GNAS: variants seen among roughly 807,000 people sequenced by gnomAD.
GNAS encodes the protein GNAS complex locus, also known as protein ALEX.
In GNAS, 8 loss-of-function variants were observed where a neutral mutation model predicts 54.5. That is an observed-to-expected ratio of 0.15 (90% CI 0.09 to 0.26). The LOEUF (loss-of-function observed/expected upper bound fraction) is 0.26. GNAS is among the 10% of genes least tolerant of loss of function. The pLI is 1.00. For missense variants in GNAS, 170 were observed against 529.8 expected (o/e 0.32, Z 6.67); for synonymous variants, 204 against 191.4 (o/e 1.07, Z -0.54).
At chr20:58,904,549 G>A (rs982373178) in intron 5 of GNAS, among the ~76,000 whole-genome samples, 4 of 152,192 alleles carry the variant, frequency 2.6e-5, no homozygotes, top group South Asian at 4.1e-4. Context: ...CGGGGAACGG[G>A]AAACGAGATG....
At chr20:58,884,069 G>A (rs925052554) in intron 1 of GNAS, among the ~76,000 whole-genome samples, 2 of 152,166 alleles carry the variant, frequency 1.3e-5, no homozygotes, top group Non-Finnish European at 2.9e-5. Context: ...GACTGGAGAG[G>A]GGGTTTTAGC....
intron 1 of GNAS, among the ~76,000 whole-genome samples, chr20:58,885,753 A>G (rs2088549644): frequency 6.6e-6 from 1 of 152,250 alleles, no homozygotes; most frequent in South Asian, 2.1e-4. Flanking sequence ...CATCATCTGC[A>G]TGACATAGGC....
intron 2 of GNAS, chr20:58,897,422 A>G (rs2090167156): frequency 6.6e-6 from 1 of 152,224 alleles, no homozygotes; most frequent in Non-Finnish European, 1.5e-5. Context: ...TTGACCATGT[A>G]TCCTCTAGAT....
intron 1 of GNAS, among the ~76,000 whole-genome samples, chr20:58,876,221 A>G (rs559265958): frequency 1.6e-4 from 24 of 152,312 alleles, no homozygotes; most frequent in African/African-American, 5.8e-4. Context: ...GAGATGCGTG[A>G]TCTTTAGGAA....
intron 1 of GNAS, among the ~76,000 whole-genome samples, chr20:58,848,393 C>G (rs954604570): frequency 3.9e-5 from 6 of 152,354 alleles, no homozygotes; most frequent in African/African-American, 1.4e-4. Context: ...CCAGCCTCTC[C>G]TGACTTCCTC....
At chr20:58,887,308 T>C (rs2088657325), upstream of GNAS, among the ~76,000 whole-genome samples, 1 of 152,254 alleles carries the variant, frequency 6.6e-6, no homozygotes, top group Non-Finnish European at 1.5e-5. Flanking sequence ...AACAAAAATG[T>C]CTGGCCTATT....
In GNAS at chr20:58,902,725, C is replaced by CTTTTTTTTTTTTT. The variant is rs60022134; in HGVS notation, c.258-790_258-778dup. On this transcript the variant is annotated intron_variant, in intron 3 of 12. Coordinates refer to ENST00000371085, the MANE Select transcript of GNAS (RefSeq NM_000516.7). ...AGTGCCTGGAGCATCGCACATACGACTTTTTTTTTTTTTTTTTTTTTTTTT... is the reference window on the plus strand; with the variant it reads ...AGTGCCTGGAGCATCGCACATACGACTTTTTTTTTTTTTTTTTTTTTTTTTTTTTTTTTTTTTT... Among the ~76,000 whole-genome samples the CTTTTTTTTTTTTT allele has an allele frequency of 2.6e-3, 181 of 69,508 alleles. 36 individuals are homozygous for CTTTTTTTTTTTTT. Among genetic ancestry groups the CTTTTTTTTTTTTT allele is most frequent in the African/African-American group, 0.011 (158 of 15,014 alleles). 45.6% of individuals were successfully genotyped at this position (69,508 alleles called of 152,430 possible).
At chr20:58,884,908 T>C (rs558578928) in intron 1 of GNAS, 1 of 152,246 alleles carries the variant, frequency 6.6e-6, no homozygotes, top group Non-Finnish European at 1.5e-5. Flanking sequence ...TTGGAGTTAC[T>C]TGTGGAAGCT....
intron 1 of GNAS, chr20:58,855,126 G>A (rs773195446): frequency 6.2e-7 from 1 of 1,613,646 alleles, no homozygotes; most frequent in Non-Finnish European, 8.5e-7. Flanking sequence ...GGGCTGCTTC[G>A]GTCGATCTGA....
At chr20:58,891,980 C>T (rs993976889) in intron 1 of GNAS, 115 bp downstream of exon 1, 1 of 766,582 alleles carries the variant, frequency 1.3e-6, no homozygotes, top group Non-Finnish European at 1.6e-6. Context: ...AGCCCCCCGC[C>T]CGTTCGCGGG....
intron 1 of GNAS, chr20:58,892,218 TGGGGAG>T (rs534284475): frequency 1.2e-4 from 114 of 966,670 alleles, no homozygotes; most frequent in Admixed American, 5.7e-4. Context: ...GGGTGCGTGT[TGGGGAG>T]GGGGAGGGGG....
At chr20:58,874,115 C>T (rs952028098) in intron 1 of GNAS, among the ~76,000 whole-genome samples, 1 of 152,240 alleles carries the variant, frequency 6.6e-6, no homozygotes, top group South Asian at 2.1e-4. Context: ...TGAACCTTTG[C>T]TAGTCACAGG....
intron 6 of GNAS, among the ~76,000 whole-genome samples, chr20:58,906,776 T>C (rs887611738): frequency 6.6e-6 from 1 of 152,118 alleles, no homozygotes; most frequent in Non-Finnish European, 1.5e-5. Flanking sequence ...GTGATCCACC[T>C]GCCTCGGCCT....
Position 58,911,096 on chromosome 20 carries a change from C to A in GNAS, c.*267C>A. 1 of 608,974 alleles carries A rather than the reference C, an allele frequency of 1.6e-6. No homozygotes were observed. 37.7% of individuals were successfully genotyped at this position (608,974 alleles called of 1,614,324 possible). A position where few individuals can be genotyped will look rare whatever the true frequency, so the allele number is the denominator to read the frequency against. Reference sequence around the variant, plus strand: ...GTAAAAATAAATAAAACAGCAGCAGCAAACAAATAAAATGAAATAAAAGAA... The same window carrying A: ...GTAAAAATAAATAAAACAGCAGCAGAAAACAAATAAAATGAAATAAAAGAA... On this transcript the variant is annotated 3_prime_UTR_variant, in exon 13 of 13. Transcript: ENST00000371085.
chr20:58,900,944 T>C (rs1437479618), intron 3 of GNAS, among the ~76,000 whole-genome samples: 2 of 152,216 alleles, frequency 1.3e-5, no homozygotes, highest in Admixed American at 1.3e-4. Flanking sequence ...CTGAACACGT[T>C]CTCAAAATAT....
rs2146182387 is a variant in GNAS, at chr20:58,903,682, C to T, written c.323C>T (p.Ala108Val). ...CTAAATCATTTTCAGACCATTGTGG[C>T]CGCCATGAGCAACCTGGTGCCCCCC... The part of the protein sequence containing the change: ...NLKEAIETIV[A>V]AMSNLVPPVE... Residue 108 changes from alanine (A) to valine (V), a missense_variant, in exon 5 of 13, where the codon GCC (alanine) becomes GTC (valine). Physicochemically the swap from Ala to Val is moderately conservative, Grantham distance 64. Around this residue, in one of 3 missense-constraint regions of GNAS, gnomAD observed 78 missense variants for 251.1 expected, o/e 0.31. Coordinates refer to ENST00000371085, the MANE Select transcript of GNAS (RefSeq NM_000516.7). 1.2e-6 allele frequency: 2 copies of T among 1,614,074 alleles called. No homozygotes were observed. Among genetic ancestry groups the T allele is most frequent in the South Asian group, 1.1e-5 (1 of 91,082 alleles).
upstream of GNAS, chr20:58,889,457 C>T: frequency 1.5e-6 from 1 of 649,082 alleles, no homozygotes; most frequent in Non-Finnish European, 1.9e-6. Context: ...GCGCCGCTGC[C>T]TTGCCCCGGG....
In GNAS at chr20:58,850,360, G is replaced by A. The variant is rs555524494; in HGVS notation, c.43+9474G>A. ...CTGGCAAAGCTCATGATATCAGAAA[G>A]AATGAACAAAGGGGTCCCACAGACC... On this transcript the variant is annotated intron_variant, in intron 1 of 12. Coordinates refer to the GNAS transcript ENST00000306090. Among the ~76,000 whole-genome samples, 39 of 152,294 alleles carry A rather than the reference G, an allele frequency of 2.6e-4. No individual in the cohort carries two copies. In the South Asian group the frequency reaches 7.9e-3, roughly 31 times the overall value.
At chr20:58,860,680 A>C (rs1290894117) in intron 1 of GNAS, among the ~76,000 whole-genome samples, 3 of 152,006 alleles carry the variant, frequency 2.0e-5, no homozygotes, top group Admixed American at 6.6e-5. Context: ...TGTTGTTTTT[A>C]AGATGGAGTC....
Sources: gnomAD v4.1 joint callset for allele counts (sites outside exome capture counted in the v4.1 genomes callset) on GRCh38, gnomAD v4.1.1 for gene constraint, gnomAD v4.1.1 regional missense constraint, MANE v1.5 for transcripts, NCBI Gene and HGNC (gene_info 2026-07-23, HGNC 2026-07-21) for gene names.